NALF1: variants seen among roughly 807,000 people sequenced by gnomAD.
The protein encoded by NALF1 is NALCN channel auxiliary factor 1, also known as family with sequence similarity 155 member A.
In NALF1, 3 loss-of-function variants were observed where a neutral mutation model predicts 48.4. The observed-to-expected ratio is 0.06, with a 90% CI of 0.03 to 0.16. NALF1 has a LOEUF of 0.16. Ranked by LOEUF, NALF1 falls within the 10% of genes least tolerant of loss-of-function variation. NALF1 has a pLI of 1.00. For missense variants in NALF1, 526 were observed against 571.5 expected (o/e 0.92, Z 0.81); for synonymous variants, 262 against 245.7 (o/e 1.07, Z -0.62).
intron 1 of NALF1, among the ~76,000 whole-genome samples, chr13:107,331,994 TTCATAAAA>T (rs1370118378): frequency 2.6e-5 from 4 of 152,272 alleles, no homozygotes; most frequent in Admixed American, 2.6e-4. Context: ...TGAAAATAGA[TTCATAAAA>T]TATGTTCTTT....
intron 1 of NALF1, among the ~76,000 whole-genome samples, chr13:107,766,432 T>G (rs555504910): frequency 6.6e-6 from 1 of 152,318 alleles, no homozygotes; most frequent in Non-Finnish European, 1.5e-5. Flanking sequence ...TCACCAGAAA[T>G]TAATTTCCTT....
intron 1 of NALF1, among the ~76,000 whole-genome samples, chr13:107,552,870 G>A (rs543324921): frequency 5.9e-5 from 9 of 151,986 alleles, no homozygotes; most frequent in South Asian, 2.1e-4. Flanking sequence ...ATTTACTGTC[G>A]TTTATATAAT....
chr13:107,634,001 T>C (rs1274291213), intron 1 of NALF1, among the ~76,000 whole-genome samples: 2 of 133,694 alleles, frequency 1.5e-5, no homozygotes, highest in Non-Finnish European at 3.3e-5. Context: ...TCTATTTGCT[T>C]TAGATACTAT....
intron 1 of NALF1, among the ~76,000 whole-genome samples, chr13:107,285,805 G>A (rs1881481944): frequency 6.6e-6 from 1 of 152,060 alleles, no homozygotes; most frequent in Admixed American, 6.6e-5. Context: ...GGGGCTGAGA[G>A]AGAGTCAAAG....
chr13:107,512,398 A>C (rs1456508738), intron 1 of NALF1, among the ~76,000 whole-genome samples: 1 of 152,194 alleles, frequency 6.6e-6, no homozygotes, highest in Non-Finnish European at 1.5e-5. Flanking sequence ...ATCTAAAAAA[A>C]GAAAAAAGAA....
chr13:107,346,152 T>C (rs1186971784), intron 1 of NALF1, among the ~76,000 whole-genome samples: 1 of 151,372 alleles, frequency 6.6e-6, no homozygotes, highest in East Asian at 2.0e-4. Flanking sequence ...CGGGAAACAT[T>C]GCGTACTTTG....
intron 1 of NALF1, among the ~76,000 whole-genome samples, chr13:107,464,513 C>T (rs1884968929): frequency 6.6e-6 from 1 of 151,830 alleles, no homozygotes; most frequent in African/African-American, 2.4e-5. Context: ...AAATGCAATA[C>T]AAATTTTTTT....
chr13:107,599,353 C>T (rs374081150), intron 1 of NALF1, among the ~76,000 whole-genome samples: 2 of 148,344 alleles, frequency 1.3e-5, no homozygotes, highest in African/African-American at 5.0e-5. Flanking sequence ...ACCTGGGAGG[C>T]GGAGCTTGCA....
chr13:107,269,970 C>G (rs1881125970), intron 1 of NALF1, among the ~76,000 whole-genome samples: 2 of 119,026 alleles, frequency 1.7e-5, no homozygotes, highest in Admixed American at 1.2e-4. Flanking sequence ...CGGAGTTTCT[C>G]CGTGTTAGCC....
chr13:107,388,682 A>C (rs1883570888), intron 1 of NALF1, among the ~76,000 whole-genome samples: 1 of 152,222 alleles, frequency 6.6e-6, no homozygotes, highest in African/African-American at 2.4e-5. Flanking sequence ...TACTCCATCA[A>C]GAAAAAGTAA....
intron 1 of NALF1, among the ~76,000 whole-genome samples, chr13:107,354,609 T>C (rs1566493747): frequency 6.6e-6 from 1 of 152,136 alleles, no homozygotes; most frequent in African/African-American, 2.4e-5. Context: ...GAGATTCGGG[T>C]GGGGACAAGA....
At chr13:107,342,807 T>C (rs763717909) in intron 1 of NALF1, among the ~76,000 whole-genome samples, 1 of 152,026 alleles carries the variant, frequency 6.6e-6, no homozygotes, top group Non-Finnish European at 1.5e-5. Context: ...CAAGAGTCAA[T>C]GACTCAAAAA....
intron 1 of NALF1, among the ~76,000 whole-genome samples, chr13:107,840,165 T>C (rs1014080258): frequency 2.6e-5 from 4 of 152,308 alleles, no homozygotes; most frequent in African/African-American, 9.6e-5. Context: ...CAGTCGGCTG[T>C]GTACCTAACT....
intron 1 of NALF1, among the ~76,000 whole-genome samples, chr13:107,269,913 A>ATTTTTTTTTTTTTT (rs71121514): frequency 1.3e-4 from 12 of 89,050 alleles, no homozygotes; most frequent in South Asian, 3.9e-4. Flanking sequence ...CGCCCGGCTA[A>ATTTTTTTTTTTTTT]TTTTTTTTTT....
chr13:107,393,710 T>G (rs1883664744), intron 1 of NALF1, among the ~76,000 whole-genome samples: 1 of 152,184 alleles, frequency 6.6e-6, no homozygotes, highest in African/African-American at 2.4e-5. Context: ...TTATTGATGA[T>G]TAAATTAACC....
chr13:107,383,022 T>C (rs1024014992), intron 1 of NALF1, among the ~76,000 whole-genome samples: 7 of 152,320 alleles, frequency 4.6e-5, no homozygotes, highest in African/African-American at 1.7e-4. Context: ...CCCAGATTGA[T>C]ACCTGGGACA....
chr13:107,716,850 A>ACATC (rs145934572), intron 1 of NALF1, among the ~76,000 whole-genome samples: 7,314 of 152,138 alleles, frequency 0.048, 589 homozygotes, highest in East Asian at 0.41. Context: ...GAAGAGAAAC[A>ACATC]CATCTTTACA....
rs140497818 is a variant in NALF1, at chr13:107,437,489, T to C, written c.916-226734A>G. Among the ~76,000 whole-genome samples, 210 of 152,300 alleles carry C rather than the reference T, an allele frequency of 1.4e-3. No individual in the cohort carries two copies. The East Asian group carries it at 0.033, about 24-fold the overall frequency. ...CATAATTGTCAAAAACTAGAAATCA[T>C]CTAGGTGTGCCTCAACAGCACACTG... On this transcript the variant is annotated intron_variant, in intron 1 of 2. Transcript: ENST00000375915.
At chr13:107,621,013 C>T (rs1879504936) in intron 1 of NALF1, among the ~76,000 whole-genome samples, 1 of 151,894 alleles carries the variant, frequency 6.6e-6, no homozygotes, top group Admixed American at 6.6e-5. Context: ...TGTGTGTTAA[C>T]TTCAGTAGGC....
Sources: gnomAD v4.1 joint callset for allele counts (sites outside exome capture counted in the v4.1 genomes callset) on GRCh38, gnomAD v4.1.1 for gene constraint, MANE v1.5 for transcripts, NCBI Gene and HGNC (gene_info 2026-07-23, HGNC 2026-07-21) for gene names.